DAB1: variants seen among roughly 807,000 people sequenced by gnomAD.
The protein encoded by DAB1 is DAB adaptor protein 1.
In DAB1, 15 loss-of-function variants were observed where a neutral mutation model predicts 64.6. That is an observed-to-expected ratio of 0.23 (90% CI 0.16 to 0.36). The LOEUF (loss-of-function observed/expected upper bound fraction) is 0.36. DAB1 is among the 10% of genes least tolerant of loss of function. The pLI, the probability that DAB1 is intolerant of heterozygous loss-of-function variation, is 1.00. For missense variants in DAB1, 596 were observed against 706.7 expected, an observed-to-expected ratio of 0.84 and a Z score of 1.78; for synonymous variants, 235 against 251.9, an observed-to-expected ratio of 0.93 and a Z score of 0.64.
intron 3 of DAB1, among the ~76,000 whole-genome samples, chr1:58,408,252 G>C (rs1644635906): frequency 6.6e-6 from 1 of 152,156 alleles, no homozygotes; most frequent in African/African-American, 2.4e-5. Context: ...TCTTCTCTTT[G>C]TCTGGATTAT....
chr1:58,299,983 T>G (rs1662084007), intron 4 of DAB1, among the ~76,000 whole-genome samples: 1 of 152,150 alleles, frequency 6.6e-6, no homozygotes, highest in South Asian at 2.1e-4. Context: ...TTCCTGTCTC[T>G]CCCATGATTT....
At chr1:58,531,077 T>C (rs1356623191) in intron 1 of DAB1, among the ~76,000 whole-genome samples, 1 of 152,146 alleles carries the variant, frequency 6.6e-6, no homozygotes, top group African/African-American at 2.4e-5. Context: ...AGGTTAAGAG[T>C]TGCCCAGATT....
chr1:58,104,635 C>G (rs1651527271), intron 5 of DAB1, among the ~76,000 whole-genome samples: 2 of 152,186 alleles, frequency 1.3e-5, no homozygotes, highest in African/African-American at 2.4e-5. Context: ...CCGAGCCTTC[C>G]TTTAACCTAT....
chr1:57,393,295 T>C (rs1346676381), intron 1 of DAB1, among the ~76,000 whole-genome samples: 2 of 152,164 alleles, frequency 1.3e-5, no homozygotes, highest in Non-Finnish European at 2.9e-5. Context: ...CTGCCAGTGA[T>C]TCATTAAAAT....
At chr1:57,559,430 T>C (rs748607624) in intron 7 of DAB1, among the ~76,000 whole-genome samples, 6 of 152,160 alleles carry the variant, frequency 3.9e-5, no homozygotes, top group Non-Finnish European at 8.8e-5. Flanking sequence ...TGAATCTTTC[T>C]CCCATCCTTC....
chr1:58,142,887 G>A (rs1229610349), intron 5 of DAB1, among the ~76,000 whole-genome samples: 1 of 152,078 alleles, frequency 6.6e-6, no homozygotes, highest in Non-Finnish European at 1.5e-5. Flanking sequence ...AGAATCAGTT[G>A]CCTGAACTTC....
At chr1:57,061,234 G>T (rs1029857511) in intron 9 of DAB1, among the ~76,000 whole-genome samples, 27 of 151,174 alleles carry the variant, frequency 1.8e-4, no homozygotes, top group East Asian at 5.8e-4. Context: ...TAGATGGGGG[G>T]GGGGGGTGGT....
At chr1:58,223,319 G>A (rs745865681) in intron 4 of DAB1, among the ~76,000 whole-genome samples, 7 of 152,188 alleles carry the variant, frequency 4.6e-5, no homozygotes, top group Non-Finnish European at 7.3e-5. Context: ...TGTCTCTCAA[G>A]TGGCTCTAGC....
intron 1 of DAB1, chr1:57,879,989 C>G (rs1420289247): frequency 6.6e-6 from 1 of 152,220 alleles, no homozygotes; most frequent in African/African-American, 2.4e-5. Flanking sequence ...TAAATGTAAA[C>G]TGGTGAAACA....
At chr1:58,211,468 A>T (rs765384053) in intron 4 of DAB1, among the ~76,000 whole-genome samples, 1 of 152,328 alleles carries the variant, frequency 6.6e-6, no homozygotes, top group Middle Eastern at 3.4e-3. Context: ...TGAGTTGTGC[A>T]ATGATTTTTA....
At chr1:58,450,404 A>G (rs371346113) in intron 3 of DAB1, among the ~76,000 whole-genome samples, 80 of 152,196 alleles carry the variant, frequency 5.3e-4, no homozygotes, top group African/African-American at 1.7e-3. Flanking sequence ...GTGGAGCTCA[A>G]TTTCTTTCCC....
chr1:57,996,440 C>T (rs1284782258), intron 5 of DAB1, among the ~76,000 whole-genome samples: 1 of 152,004 alleles, frequency 6.6e-6, no homozygotes, highest in Non-Finnish European at 1.5e-5. Flanking sequence ...ATCATAAATC[C>T]TGTTTTCTGA....
chr1:58,527,298 G>A (rs145615055), exon 2 of DAB1: 45 of 872,100 alleles, frequency 5.2e-5, no homozygotes, highest in Admixed American at 2.5e-4. Flanking sequence ...GTCAGCTTCG[G>A]CCTCCAATTT....
At position 57,507,784 on chromosome 1, in the gene DAB1, A is replaced by G. The variant is rs2691435; in HGVS notation, n.625+141808T>C. 7.9e-3 allele frequency among the ~76,000 whole-genome samples: 1,210 copies of G among 152,252 alleles called. 20 individuals carry two copies. Among genetic ancestry groups the G allele is most frequent in the African/African-American group, 0.024 (1,005 of 41,538 alleles). ...CTCAGATATGTCTAGAGGAGTCTGA[A>G]TTTCCGTGGTCGGTTCTAAATTGTC... On this transcript the variant is annotated intron_variant and non_coding_transcript_variant, in intron 7 of 20. Transcript: ENST00000485760.
intron 1 of DAB1, among the ~76,000 whole-genome samples, chr1:57,421,974 G>A (rs1211136886): frequency 6.8e-6 from 1 of 147,034 alleles, no homozygotes; most frequent in East Asian, 2.0e-4. Context: ...CTTAGTGCCT[G>A]CGCAGTTCCG....
chr1:58,153,102 T>C (rs983838005), intron 4 of DAB1, among the ~76,000 whole-genome samples: 1 of 152,214 alleles, frequency 6.6e-6, no homozygotes, highest in African/African-American at 2.4e-5. Context: ...GAAACTTCTT[T>C]TATGGCATGG....
intron 4 of DAB1, among the ~76,000 whole-genome samples, chr1:57,113,304 T>G (rs1250438651): frequency 1.3e-5 from 2 of 152,232 alleles, no homozygotes; most frequent in African/African-American, 4.8e-5. Context: ...GGTATTATTA[T>G]CTCCATTTTA....
At chr1:58,468,587 G>A (rs116633993) in intron 3 of DAB1, 1,790 of 152,332 alleles carry the variant, frequency 0.012, 16 homozygotes, top group Admixed American at 0.021. Context: ...GAGAAGCTCT[G>A]GTGCATGACA....
chr1:57,453,324 G>C (rs563594990), intron 7 of DAB1, among the ~76,000 whole-genome samples: 1 of 152,288 alleles, frequency 6.6e-6, no homozygotes, highest in South Asian at 2.1e-4. Context: ...TCATGTATGA[G>C]AAAACCTGCT....
Sources: gnomAD v4.1 joint callset for allele counts (sites outside exome capture counted in the v4.1 genomes callset) on GRCh38, gnomAD v4.1.1 for gene constraint, MANE v1.5 for transcripts, NCBI Gene and HGNC (gene_info 2026-07-23, HGNC 2026-07-21) for gene names.